SGMS1: variants seen among roughly 807,000 people sequenced by gnomAD.
SGMS1 encodes phosphatidylcholine:ceramide cholinephosphotransferase 1.
In SGMS1, 13 loss-of-function variants were observed where a neutral mutation model predicts 46.2. That is an observed-to-expected ratio of 0.28 (90% CI 0.18 to 0.45). The LOEUF (loss-of-function observed/expected upper bound fraction) is 0.45, where lower values mean the gene tolerates loss of function less well. Among genes scored for constraint, SGMS1 ranks in the 20% least tolerant of loss-of-function variants. SGMS1 has a pLI of 1.00. For synonymous variants in SGMS1, 203 were observed against 187.8 expected, an observed-to-expected ratio of 1.08 and a Z score of -0.66; for missense variants, 324 against 519.9, an observed-to-expected ratio of 0.62 and a Z score of 3.66.
At chr10:50,392,993 GT>G (rs34313644) in intron 6 of SGMS1, among the ~76,000 whole-genome samples, 81 of 147,852 alleles carry the variant, frequency 5.5e-4, no homozygotes, top group African/African-American at 1.5e-3. Flanking sequence ...CATCCAGAAA[GT>G]TTTTTTTTTT....
chr10:50,552,722 C>A (rs1049211262), intron 2 of SGMS1, among the ~76,000 whole-genome samples: 1 of 152,194 alleles, frequency 6.6e-6, no homozygotes, highest in Non-Finnish European at 1.5e-5. Context: ...TCCCTGGAAT[C>A]TGTGAATGTT....
At chr10:50,333,977 T>C (rs994610116) in intron 7 of SGMS1, among the ~76,000 whole-genome samples, 2 of 152,178 alleles carry the variant, frequency 1.3e-5, no homozygotes, top group African/African-American at 4.8e-5. Flanking sequence ...GAAGGGGAAA[T>C]TGTATGAGGA....
At chr10:50,498,676 T>C (rs1564928738) in intron 3 of SGMS1, among the ~76,000 whole-genome samples, 2 of 152,236 alleles carry the variant, frequency 1.3e-5, no homozygotes, top group Admixed American at 1.3e-4. Flanking sequence ...TATTCCATTG[T>C]ATGCAAACAT....
At chr10:50,428,832 T>A (rs189346248) in intron 6 of SGMS1, among the ~76,000 whole-genome samples, 35 of 152,214 alleles carry the variant, frequency 2.3e-4, no homozygotes, top group African/African-American at 7.9e-4. Context: ...GCTCCCCAAT[T>A]TAGGAAAAGG....
chr10:50,308,253 C>A, intron 9 of SGMS1, 105 bp from the exon 10 acceptor site: 1 of 1,019,542 alleles, frequency 9.8e-7, no homozygotes, highest in South Asian at 1.8e-5. Context: ...TTGAGTCTTC[C>A]CTTCTGAAAA....
At chr10:50,624,560 T>G, upstream of SGMS1, 1 of 981,854 alleles carries the variant, frequency 1.0e-6, no homozygotes. Context: ...CCGCGCGAGG[T>G]GAAAACTCCG....
At position 50,410,745 on chromosome 10, in the gene SGMS1, T is replaced by C. The variant is rs1231571927; in HGVS notation, c.-232+22731A>G. Among the ~76,000 whole-genome samples the C allele has an allele frequency of 3.3e-5, 5 of 152,290 alleles. No homozygotes were observed. In the South Asian group the frequency reaches 8.3e-4, roughly 25 times the overall value. On this transcript the variant is annotated intron_variant, in intron 6 of 10. Transcript: ENST00000361781. ...CAAAAGCCCTCAGACAGCCCCACCATAGGGGAAGACCCATATGGAGACCTG... is the reference window on the plus strand; with the variant it reads ...CAAAAGCCCTCAGACAGCCCCACCACAGGGGAAGACCCATATGGAGACCTG...
chr10:50,354,393 G>C (rs1045380749), intron 6 of SGMS1, among the ~76,000 whole-genome samples: 2 of 152,204 alleles, frequency 1.3e-5, no homozygotes, highest in African/African-American at 4.8e-5. Flanking sequence ...GCCATATGGA[G>C]AAAGCTGAAA....
At chr10:50,311,115 T>C in intron 9 of SGMS1, 147 bp downstream of exon 9, 1 of 891,962 alleles carries the variant, frequency 1.1e-6, no homozygotes, top group Non-Finnish European at 1.7e-6. Context: ...TGGGTGCCAG[T>C]TGCATGGCGA....
chr10:50,392,136 G>C (rs78495672), intron 6 of SGMS1, among the ~76,000 whole-genome samples: 4,499 of 150,742 alleles, frequency 0.03, 226 homozygotes, highest in African/African-American at 0.1. Flanking sequence ...CCCATGACAC[G>C]CAATTTACCT....
intron 3 of SGMS1, among the ~76,000 whole-genome samples, chr10:50,512,853 C>T (rs1837769043): frequency 6.6e-6 from 1 of 152,202 alleles, no homozygotes; most frequent in South Asian, 2.1e-4. Flanking sequence ...CCTTTGCCAC[C>T]TTGCAGTACC....
chr10:50,616,849 C>A (rs1450041084), intron 1 of SGMS1, among the ~76,000 whole-genome samples: 1 of 152,222 alleles, frequency 6.6e-6, no homozygotes, highest in Middle Eastern at 3.4e-3. Context: ...TGTTCACGGA[C>A]AGAATTACAA....
chr10:50,436,912 G>A (rs973576790), intron 5 of SGMS1, among the ~76,000 whole-genome samples: 7 of 152,316 alleles, frequency 4.6e-5, no homozygotes, highest in Middle Eastern at 6.8e-3. Flanking sequence ...TGAAAGGTAT[G>A]TGCGTTGCTG....
chr10:50,343,436 A>G (rs1847853431), intron 7 of SGMS1, 56 bp downstream of exon 7: 3 of 1,476,152 alleles, frequency 2.0e-6, no homozygotes, highest in Non-Finnish European at 2.7e-6. Flanking sequence ...TAATAAGTAG[A>G]TGTTTGGAGT....
chr10:50,461,225 A>G (rs1837260542), intron 4 of SGMS1, among the ~76,000 whole-genome samples: 1 of 152,192 alleles, frequency 6.6e-6, no homozygotes, highest in African/African-American at 2.4e-5. Flanking sequence ...AAAGGTAACT[A>G]CTGAGTTATC....
intron 2 of SGMS1, among the ~76,000 whole-genome samples, chr10:50,574,841 C>T (rs998958413): frequency 1.3e-5 from 2 of 151,670 alleles, no homozygotes; most frequent in Non-Finnish European, 2.9e-5. Context: ...GATGAATATG[C>T]TAATTACCCT....
chr10:50,455,851 A>G (rs1045145612), intron 5 of SGMS1, among the ~76,000 whole-genome samples: 4 of 152,206 alleles, frequency 2.6e-5, no homozygotes, highest in African/African-American at 9.7e-5. Flanking sequence ...TTAACAGGTT[A>G]TACCTTCCAC....
At chr10:50,593,966 T>C (rs555068754) in intron 1 of SGMS1, among the ~76,000 whole-genome samples, 49 of 152,322 alleles carry the variant, frequency 3.2e-4, no homozygotes, top group African/African-American at 1.1e-3. Context: ...CCAGGGTATA[T>C]ACCTAGGAGA....
At chr10:50,529,904 T>C (rs12253262) in intron 2 of SGMS1, among the ~76,000 whole-genome samples, 7,265 of 152,250 alleles carry the variant, frequency 0.048, 566 homozygotes, top group African/African-American at 0.16. Context: ...CTAACACTGC[T>C]TACATAAAAA....
Sources: gnomAD v4.1 joint callset for allele counts (sites outside exome capture counted in the v4.1 genomes callset) on GRCh38, gnomAD v4.1.1 for gene constraint, MANE v1.5 for transcripts, NCBI Gene and HGNC (gene_info 2026-07-23, HGNC 2026-07-21) for gene names.